Variants in MEMO1 observed in about 807,000 individuals in gnomAD.
The protein encoded by MEMO1 is protein MEMO1.
Under a neutral mutation model 45.2 loss-of-function variants are expected in MEMO1, and 6 were observed. The observed-to-expected ratio is 0.13, with a 90% CI of 0.07 to 0.26. The LOEUF (loss-of-function observed/expected upper bound fraction) is 0.26, where lower values mean the gene tolerates loss of function less well. MEMO1 is among the 10% of genes least tolerant of loss of function. MEMO1 has a pLI of 1.00. For synonymous variants in MEMO1, 78 were observed against 124.3 expected (o/e 0.63, Z 2.48); for missense variants, 184 against 370.5 (o/e 0.50, Z 4.13).
chr2:31,987,944 A>G (rs1370701735), intron 2 of MEMO1, among the ~76,000 whole-genome samples: 1 of 152,204 alleles, frequency 6.6e-6, no homozygotes, highest in African/African-American at 2.4e-5. Flanking sequence ...AAATTACTTC[A>G]TGATTCTTGA....
At chr2:31,976,515 T>A (rs1215048715) in intron 2 of MEMO1, among the ~76,000 whole-genome samples, 1 of 151,788 alleles carries the variant, frequency 6.6e-6, no homozygotes, top group Non-Finnish European at 1.5e-5. Flanking sequence ...GAGGCAGAGG[T>A]TGCAGTGAGC....
Position 31,903,043 on chromosome 2 carries a change from A to T in MEMO1, c.438-10909T>A, listed in dbSNP as rs140243807. On this transcript the variant is annotated intron_variant, in intron 6 of 9. Transcript: ENST00000404530. ...GTATATAAATAATTAAAATCTTAAA[A>T]TTTTAAATTTGTTTAAATATTAACA... 4.6e-3 allele frequency among the ~76,000 whole-genome samples: 697 copies of T among 152,252 alleles called. 16 individuals are homozygous for T. In the East Asian group the frequency reaches 0.068, roughly 15 times the overall value.
intron 4 of MEMO1, 67 bp downstream of exon 4, chr2:31,932,000 A>C: frequency 7.2e-7 from 1 of 1,398,564 alleles, no homozygotes; most frequent in Non-Finnish European, 1.0e-6. Flanking sequence ...TAAAAAGCAA[A>C]TTACTTCTAT....
intron 2 of MEMO1, among the ~76,000 whole-genome samples, chr2:31,987,262 C>T (rs886957075): frequency 6.6e-6 from 1 of 152,330 alleles, no homozygotes; most frequent in African/African-American, 2.4e-5. Flanking sequence ...GCCCCCCACA[C>T]TGCTGGTATT....
intron 2 of MEMO1, among the ~76,000 whole-genome samples, chr2:31,976,493 A>T (rs1477748973): frequency 6.6e-6 from 1 of 151,862 alleles, no homozygotes; most frequent in Non-Finnish European, 1.5e-5. Flanking sequence ...CATGAAAATC[A>T]CTTGAACCTG....
At chr2:31,919,046 C>CA (rs1189134133) in intron 5 of MEMO1, among the ~76,000 whole-genome samples, 18 of 152,074 alleles carry the variant, frequency 1.2e-4, no homozygotes, top group Admixed American at 1.0e-3. Context: ...CCTAAAGCCT[C>CA]AAATTATGAA....
At chr2:31,872,028 C>CACACACACACACAA (rs1673850478) in intron 8 of MEMO1, among the ~76,000 whole-genome samples, 2 of 151,214 alleles carry the variant, frequency 1.3e-5, no homozygotes, top group East Asian at 3.9e-4. Context: ...CACACACACA[C>CACACACACACACAA]ACACACACAC....
intron 6 of MEMO1, among the ~76,000 whole-genome samples, chr2:31,915,752 C>T (rs980499195): frequency 2.6e-5 from 4 of 152,164 alleles, no homozygotes; most frequent in African/African-American, 9.7e-5. Context: ...CCATTTGAGC[C>T]ACCTAAGTCA....
intron 2 of MEMO1, among the ~76,000 whole-genome samples, chr2:32,009,761 G>A (rs1408287699): frequency 6.6e-6 from 1 of 152,172 alleles, no homozygotes; most frequent in Non-Finnish European, 1.5e-5. Context: ...GCCCTGCGGC[G>A]TGGAGAAGCG....
chr2:31,947,257 C>A (rs1349332167), intron 2 of MEMO1, among the ~76,000 whole-genome samples: 1 of 152,184 alleles, frequency 6.6e-6, no homozygotes, highest in Non-Finnish European at 1.5e-5. Flanking sequence ...GTAAACCAAG[C>A]TTTCATATGG....
chr2:31,995,988 C>CA (rs1672547876), intron 2 of MEMO1, among the ~76,000 whole-genome samples: 1 of 152,022 alleles, frequency 6.6e-6, no homozygotes, highest in Non-Finnish European at 1.5e-5. Flanking sequence ...TACAACACAC[C>CA]AAAAACTTAA....
intron 2 of MEMO1, among the ~76,000 whole-genome samples, chr2:31,947,416 G>C (rs924753331): frequency 1.4e-4 from 22 of 152,118 alleles, no homozygotes; most frequent in African/African-American, 5.3e-4. Flanking sequence ...CAAGTAAAAA[G>C]GTGAATCTGA....
intron 4 of MEMO1, among the ~76,000 whole-genome samples, chr2:31,929,547 G>C (rs1230605695): frequency 1.3e-5 from 2 of 152,150 alleles, no homozygotes; most frequent in Non-Finnish European, 2.9e-5. Flanking sequence ...GATGGTGTTA[G>C]CAGAGGTTCT....
chr2:31,904,224 T>C (rs532519702), intron 6 of MEMO1, among the ~76,000 whole-genome samples: 44 of 152,296 alleles, frequency 2.9e-4, no homozygotes, highest in African/African-American at 1.0e-3. Context: ...ATCTGTGAAT[T>C]TGGTTTTTAG....
intron 2 of MEMO1, among the ~76,000 whole-genome samples, chr2:31,986,513 ATTAT>A (rs1671282760): frequency 6.6e-6 from 1 of 152,144 alleles, no homozygotes; most frequent in Admixed American, 6.6e-5. Context: ...ACCTTCACTC[ATTAT>A]TTATTGTGTA....
chr2:32,010,476 A>T, intron 1 of MEMO1: 2 of 357,596 alleles, frequency 5.6e-6, no homozygotes, highest in South Asian at 2.8e-5. Flanking sequence ...AATCACCACA[A>T]ACTCCGGCGA....
At chr2:31,963,307 T>G in intron 2 of MEMO1, 1 of 1,456,122 alleles carries the variant, frequency 6.9e-7, no homozygotes, top group Non-Finnish European at 9.1e-7. Flanking sequence ...GGGATACAGA[T>G]AGATATAGAT....
chr2:31,877,444 C>A (rs2147909193), intron 8 of MEMO1, among the ~76,000 whole-genome samples: 1 of 152,310 alleles, frequency 6.6e-6, no homozygotes, highest in East Asian at 1.9e-4. Context: ...TGTTCTCCAT[C>A]CATAAGACTA....
chr2:31,877,695 T>G (rs1374659225), intron 8 of MEMO1, among the ~76,000 whole-genome samples: 7 of 152,198 alleles, frequency 4.6e-5, no homozygotes, highest in Non-Finnish European at 1.0e-4. Flanking sequence ...CGTGTGTAAG[T>G]GTGTATTTGA....
Sources: allele counts gnomAD v4.1 joint callset (sites outside exome capture counted in the v4.1 genomes callset), GRCh38; gene constraint gnomAD v4.1.1; transcripts MANE v1.5; gene names NCBI Gene and HGNC (gene_info 2026-07-23, HGNC 2026-07-21).